LRRTM4: variants seen among roughly 807,000 people sequenced by gnomAD.
LRRTM4 encodes the protein leucine rich repeat transmembrane neuronal 4.
Under a neutral mutation model 47.6 loss-of-function variants are expected in LRRTM4, and 25 were observed. The observed-to-expected ratio is 0.53, with a 90% CI of 0.38 to 0.73. The LOEUF is 0.73. Among genes scored for constraint, LRRTM4 ranks in the 30% least tolerant of loss-of-function variants. The pLI, the probability that LRRTM4 is intolerant of heterozygous loss-of-function variation, is 0.00. For synonymous variants in LRRTM4, 311 were observed against 269.5 expected, an observed-to-expected ratio of 1.15 and a Z score of -1.51; for missense variants, 638 against 713.4, an observed-to-expected ratio of 0.89 and a Z score of 1.20.
At chr2:76,984,921 GCATT>G (rs1453766329) in intron 3 of LRRTM4, among the ~76,000 whole-genome samples, 2 of 151,982 alleles carry the variant, frequency 1.3e-5, no homozygotes, top group Non-Finnish European at 2.9e-5. Flanking sequence ...GAAAAAGCAA[GCATT>G]ATTAACTCGT....
chr2:76,822,600 C>A (rs1216753998), intron 3 of LRRTM4, among the ~76,000 whole-genome samples: 1 of 151,408 alleles, frequency 6.6e-6, no homozygotes, highest in Non-Finnish European at 1.5e-5. Context: ...AAAAACACTG[C>A]CACTCTGAGG....
At chr2:77,060,546 C>A (rs1038791264) in intron 3 of LRRTM4, among the ~76,000 whole-genome samples, 1 of 151,828 alleles carries the variant, frequency 6.6e-6, no homozygotes, top group African/African-American at 2.4e-5. Context: ...TTTGAGAAAA[C>A]CCAGCATAAA....
intron 3 of LRRTM4, among the ~76,000 whole-genome samples, chr2:77,398,365 A>G (rs185365806): frequency 1.4e-4 from 21 of 152,052 alleles, no homozygotes; most frequent in Admixed American, 5.9e-4. Context: ...TAGAGAAGCA[A>G]TTAAGCACAT....
intron 3 of LRRTM4, among the ~76,000 whole-genome samples, chr2:77,036,091 T>C (rs747590143): frequency 4.0e-5 from 6 of 151,806 alleles, no homozygotes; most frequent in Non-Finnish European, 7.4e-5. Context: ...AACTTATGCA[T>C]ATGCATGAGT....
intron 3 of LRRTM4, among the ~76,000 whole-genome samples, chr2:76,785,549 G>T (rs967962158): frequency 6.6e-6 from 1 of 152,006 alleles, no homozygotes; most frequent in African/African-American, 2.4e-5. Flanking sequence ...TAACTTGGAA[G>T]GTGTTTCTAG....
At chr2:77,115,932 C>T (rs1671379155) in intron 3 of LRRTM4, among the ~76,000 whole-genome samples, 1 of 152,120 alleles carries the variant, frequency 6.6e-6, no homozygotes, top group South Asian at 2.1e-4. Flanking sequence ...TTCAGTCTAG[C>T]TTTCCAACCA....
chr2:76,905,628 T>A (rs991759762), intron 3 of LRRTM4, among the ~76,000 whole-genome samples: 1 of 139,940 alleles, frequency 7.1e-6, no homozygotes, highest in South Asian at 2.4e-4. Context: ...ATAACTAGAA[T>A]AACCAATACA....
intron 3 of LRRTM4, among the ~76,000 whole-genome samples, chr2:77,515,074 T>A (rs571463557): frequency 1.4e-3 from 215 of 152,010 alleles, no homozygotes; most frequent in African/African-American, 4.4e-3. Flanking sequence ...TGAGGATGTA[T>A]GTACTAAGTG....
intron 3 of LRRTM4, among the ~76,000 whole-genome samples, chr2:76,835,818 A>C (rs577507174): frequency 6.6e-6 from 1 of 152,248 alleles, no homozygotes; most frequent in African/African-American, 2.4e-5. Context: ...AAGAAAAATA[A>C]GTTTCACTGA....
chr2:77,240,648 T>C (rs1292246835), intron 3 of LRRTM4, among the ~76,000 whole-genome samples: 1 of 151,948 alleles, frequency 6.6e-6, no homozygotes, highest in African/African-American at 2.4e-5. Context: ...AACATAATTG[T>C]CTATGTTAAA....
intron 3 of LRRTM4, among the ~76,000 whole-genome samples, chr2:77,008,692 T>C (rs192724538): frequency 7.5e-4 from 114 of 152,246 alleles, no homozygotes; most frequent in African/African-American, 2.2e-3. Context: ...TTACCAGTAG[T>C]CCAATCATGT....
At chr2:76,979,930 T>C (rs1328258560) in intron 3 of LRRTM4, among the ~76,000 whole-genome samples, 1 of 152,034 alleles carries the variant, frequency 6.6e-6, no homozygotes, top group Non-Finnish European at 1.5e-5. Context: ...TGATCCAAAT[T>C]ACCCCACACT....
chr2:77,368,454 CA>C (rs1672538005), intron 3 of LRRTM4, among the ~76,000 whole-genome samples: 1 of 151,678 alleles, frequency 6.6e-6, no homozygotes, highest in African/African-American at 2.4e-5. Context: ...TTTTAGAAAA[CA>C]AAAGCTAGCT....
chr2:77,162,943 C>T (rs548037273), intron 3 of LRRTM4, among the ~76,000 whole-genome samples: 3 of 152,138 alleles, frequency 2.0e-5, no homozygotes, highest in African/African-American at 4.8e-5. Flanking sequence ...CAGCTCCTCA[C>T]CAGCAACAGA....
intron 3 of LRRTM4, among the ~76,000 whole-genome samples, chr2:76,999,790 C>T (rs1342026981): frequency 1.3e-5 from 2 of 152,080 alleles, no homozygotes; most frequent in African/African-American, 4.8e-5. Flanking sequence ...TTCCACTTGT[C>T]TCAGGATCTC....
chr2:76,841,522 G>C (rs1300882795), intron 3 of LRRTM4, among the ~76,000 whole-genome samples: 2 of 151,804 alleles, frequency 1.3e-5, no homozygotes, highest in Non-Finnish European at 2.9e-5. Context: ...TGTTACACTG[G>C]GATGGGAAGG....
intron 3 of LRRTM4, among the ~76,000 whole-genome samples, chr2:76,790,022 G>A (rs1199893806): frequency 2.0e-5 from 3 of 152,108 alleles, no homozygotes; most frequent in Non-Finnish European, 4.4e-5. Flanking sequence ...TGTGGGAATT[G>A]GATAAATGTT....
chr2:77,486,907 G>A (rs1677935032), intron 3 of LRRTM4, among the ~76,000 whole-genome samples: 1 of 152,186 alleles, frequency 6.6e-6, no homozygotes, highest in Non-Finnish European at 1.5e-5. Context: ...AATGAAAGAT[G>A]ACCATCAGAG....
At chr2:77,114,575 T>C (rs1353963486) in intron 3 of LRRTM4, among the ~76,000 whole-genome samples, 9 of 152,100 alleles carry the variant, frequency 5.9e-5, no homozygotes, top group African/African-American at 1.7e-4. Flanking sequence ...AGAAAAACCA[T>C]GTTGGCATGC....
Sources: allele counts gnomAD v4.1 joint callset (sites outside exome capture counted in the v4.1 genomes callset), GRCh38; gene constraint gnomAD v4.1.1; transcripts MANE v1.5; gene names NCBI Gene and HGNC (gene_info 2026-07-23, HGNC 2026-07-21).